The following HS3ST4 variants were observed in gnomAD, a reference collection of about 807,000 sequenced individuals.
HS3ST4 encodes the protein heparan sulfate glucosamine 3-O-sulfotransferase 4.
A neutral mutation model predicts 29.2 loss-of-function variants in HS3ST4; 17 were observed. That is an observed-to-expected ratio of 0.58 (90% confidence interval 0.40 to 0.87). The LOEUF (loss-of-function observed/expected upper bound fraction) is 0.87, where lower values mean the gene tolerates loss of function less well. HS3ST4 is among the 40% of genes least tolerant of loss of function. The probability of loss-of-function intolerance (pLI) is 0.00; values close to 1 mark genes in which losing one functional copy is unlikely to be tolerated. For synonymous variants in HS3ST4, 314 were observed against 285.7 expected (o/e 1.10, Z -1.00); for missense variants, 627 against 634.5 (o/e 0.99, Z 0.13).
intron 1 of HS3ST4, among the ~76,000 whole-genome samples, chr16:25,722,981 G>A (rs935179708): frequency 2.0e-5 from 3 of 152,220 alleles, no homozygotes; most frequent in African/African-American, 7.2e-5. Context: ...GAAGGGGAAA[G>A]TCACGTCTTA....
At position 26,048,869 on chromosome 16, in the gene HS3ST4, A is replaced by T. The variant is rs77915301; in HGVS notation, c.735-86743A>T. On this transcript the variant is annotated intron_variant, in intron 1 of 1. Transcript: ENST00000331351. ...AATAACATTGAATCTCGCAGCAAGA[A>T]AGTCATTCTCTTTCCATTTTTCTTG... 4.3e-3 allele frequency among the ~76,000 whole-genome samples: 655 copies of T among 152,160 alleles called. 39 individuals are homozygous for T. The East Asian group carries it at 0.11, about 26-fold the overall frequency.
chr16:25,853,541 C>T (rs1967542597), intron 1 of HS3ST4, among the ~76,000 whole-genome samples: 1 of 152,070 alleles, frequency 6.6e-6, no homozygotes, highest in Non-Finnish European at 1.5e-5. Context: ...GTGTACTTGT[C>T]ATATATGACC....
chr16:25,795,801 CTA>C (rs1296990430), intron 1 of HS3ST4, among the ~76,000 whole-genome samples: 2 of 152,134 alleles, frequency 1.3e-5, no homozygotes, highest in East Asian at 3.9e-4. Flanking sequence ...GTGGCTCAGT[CTA>C]TCTTTTGTTC....
At chr16:26,119,075 T>C (rs77149537) in intron 1 of HS3ST4, among the ~76,000 whole-genome samples, 1,793 of 152,328 alleles carry the variant, frequency 0.012, 39 homozygotes, top group African/African-American at 0.041. Flanking sequence ...ATTTTTGATT[T>C]AAAAAACTAA....
intron 1 of HS3ST4, among the ~76,000 whole-genome samples, chr16:26,090,628 C>G (rs768060676): frequency 1.3e-5 from 2 of 151,938 alleles, no homozygotes; most frequent in Non-Finnish European, 1.5e-5. Context: ...GCAGCCCTCC[C>G]CTTGGAGACC....
At chr16:25,834,017 A>G (rs1028714438) in intron 1 of HS3ST4, among the ~76,000 whole-genome samples, 2 of 152,150 alleles carry the variant, frequency 1.3e-5, no homozygotes, top group African/African-American at 4.8e-5. Context: ...TAATTGGCAA[A>G]TTTGAAAAAA....
At chr16:25,850,653 A>G (rs747363040) in intron 1 of HS3ST4, among the ~76,000 whole-genome samples, 11 of 152,186 alleles carry the variant, frequency 7.2e-5, no homozygotes, top group Non-Finnish European at 1.2e-4. Flanking sequence ...TGCTGCAGCT[A>G]TTCTTGGTTC....
intron 1 of HS3ST4, among the ~76,000 whole-genome samples, chr16:26,063,549 T>G (rs1280056118): frequency 2.6e-5 from 4 of 151,818 alleles, no homozygotes; most frequent in Non-Finnish European, 5.9e-5. Context: ...CATTAAAAAT[T>G]AGCTAGGTGT....
At chr16:26,013,640 G>A (rs941245445) in intron 1 of HS3ST4, among the ~76,000 whole-genome samples, 14 of 151,994 alleles carry the variant, frequency 9.2e-5, no homozygotes, top group African/African-American at 2.2e-4. Flanking sequence ...CAAATATGTC[G>A]AAAGTGTTCT....
intron 1 of HS3ST4, among the ~76,000 whole-genome samples, chr16:26,122,334 T>C (rs1264659703): frequency 2.6e-5 from 4 of 152,128 alleles, no homozygotes; most frequent in Non-Finnish European, 5.9e-5. Context: ...CCATATGTGC[T>C]TTCTAAATCA....
chr16:25,739,409 G>A (rs1461946880), intron 1 of HS3ST4, among the ~76,000 whole-genome samples: 1 of 152,114 alleles, frequency 6.6e-6, no homozygotes, highest in Non-Finnish European at 1.5e-5. Flanking sequence ...ATGAATGAAG[G>A]CTTAGAATTG....
At chr16:26,027,570 G>A (rs1049860351) in intron 1 of HS3ST4, among the ~76,000 whole-genome samples, 11 of 152,176 alleles carry the variant, frequency 7.2e-5, no homozygotes, top group African/African-American at 2.7e-4. Flanking sequence ...CTGGCACAGT[G>A]TTTATTTATG....
rs896853176 is a variant in HS3ST4, at chr16:26,052,992, A to T, written c.735-82620A>T. On this transcript the variant is annotated intron_variant, in intron 1 of 1. Coordinates refer to ENST00000331351, the MANE Select transcript of HS3ST4 (RefSeq NM_006040.3). The stretch of plus-strand genomic sequence containing the variant: ...TTGCTAGCTGTCTTCAGACAATTCC[A>T]TGAAGTTTATTGGAAAAAGTGAAGT... Among the ~76,000 whole-genome samples, 3 of 152,312 alleles carry T rather than the reference A, an allele frequency of 2.0e-5. No individual in the cohort carries two copies. In the South Asian group the frequency reaches 6.2e-4, roughly 32 times the overall value.
chr16:26,040,444 C>T (rs996602109), intron 1 of HS3ST4, among the ~76,000 whole-genome samples: 1 of 152,208 alleles, frequency 6.6e-6, no homozygotes, highest in Non-Finnish European at 1.5e-5. Context: ...GCTGGGATTA[C>T]AGGCGCATGC....
At chr16:25,860,847 C>T (rs975618439) in intron 1 of HS3ST4, among the ~76,000 whole-genome samples, 17 of 152,104 alleles carry the variant, frequency 1.1e-4, no homozygotes, top group African/African-American at 4.1e-4. Context: ...CAAGAATGAA[C>T]TCCAATGTAA....
chr16:26,036,558 A>G (rs1023453926), intron 1 of HS3ST4, among the ~76,000 whole-genome samples: 5 of 152,274 alleles, frequency 3.3e-5, no homozygotes, highest in South Asian at 4.1e-4. Context: ...TTACCTTATA[A>G]TGGATGCCTC....
At chr16:25,848,543 G>T (rs1037826356) in intron 1 of HS3ST4, among the ~76,000 whole-genome samples, 1 of 150,950 alleles carries the variant, frequency 6.6e-6, no homozygotes, top group African/African-American at 2.4e-5. Flanking sequence ...ATTTAATCTA[G>T]ATGTTCAGAT....
intron 1 of HS3ST4, among the ~76,000 whole-genome samples, chr16:26,014,113 T>A (rs1317819337): frequency 6.6e-6 from 1 of 152,128 alleles, no homozygotes; most frequent in East Asian, 1.9e-4. Flanking sequence ...CTATTTTGCT[T>A]TATTTTCCTT....
chr16:25,946,325 T>C (rs993003312), intron 1 of HS3ST4, among the ~76,000 whole-genome samples: 1 of 152,186 alleles, frequency 6.6e-6, no homozygotes, highest in Non-Finnish European at 1.5e-5. Context: ...TAATAACAGA[T>C]TGATAATGCA....
Sources: gnomAD v4.1 joint callset for allele counts (sites outside exome capture counted in the v4.1 genomes callset) on GRCh38, gnomAD v4.1.1 for gene constraint, MANE v1.5 for transcripts, NCBI Gene and HGNC (gene_info 2026-07-23, HGNC 2026-07-21) for gene names.